PGM2: variants seen among roughly 807,000 people sequenced by gnomAD.
PGM2 encodes phosphoglucomutase 2.
Under a neutral mutation model 74.6 loss-of-function variants are expected in PGM2, and 57 were observed. The observed-to-expected ratio is 0.76, with a 90% confidence interval of 0.62 to 0.95. The LOEUF is 0.95. Among genes scored for constraint, PGM2 ranks in the 40% least tolerant of loss-of-function variants. The pLI is 0.00. For synonymous variants in PGM2, 273 were observed against 260.7 expected (o/e 1.05, Z -0.46); for missense variants, 706 against 741.9 (o/e 0.95, Z 0.56).
intron 12 of PGM2, among the ~76,000 whole-genome samples, chr4:37,853,355 ATTCCTTT>A (rs1726104664): frequency 2.4e-5 from 2 of 82,450 alleles, no homozygotes; most frequent in Admixed American, 1.4e-4. Flanking sequence ...CCAGGGTGAT[ATTCCTTT>A]TTTTTTTTTT....
At position 37,862,759 on chromosome 4, in the gene PGM2, A is replaced by G. The variant is rs1711823653; in HGVS notation, c.*1147A>G. The G allele has an allele frequency of 6.6e-6, 1 of 152,154 alleles. No individual in the cohort carries two copies. The highest frequency in any genetic ancestry group is 2.4e-5 in the African/African-American group (1 of 41,460). 9.4% of individuals were successfully genotyped at this position (152,154 alleles called of 1,614,324 possible). On this transcript the variant is annotated 3_prime_UTR_variant, in exon 14 of 14. Coordinates refer to ENST00000381967, the MANE Select transcript of PGM2 (RefSeq NM_018290.4). ...ATGAAAAATTACAATACTATGTGAT[A>G]GTATTGTAACTATTTTTCTATTTTA...
intron 6 of PGM2, among the ~76,000 whole-genome samples, chr4:37,841,393 C>T (rs1025578738): frequency 1.3e-5 from 2 of 151,932 alleles, no homozygotes; most frequent in Admixed American, 1.3e-4. Flanking sequence ...GGTCCCACCC[C>T]TCCTGATTGT....
At chr4:37,830,498 C>T (rs1028805684) in intron 2 of PGM2, among the ~76,000 whole-genome samples, 2 of 152,214 alleles carry the variant, frequency 1.3e-5, no homozygotes, top group Non-Finnish European at 2.9e-5. Flanking sequence ...GCCATGATTA[C>T]ATAGCAAGTG....
At chr4:37,834,189 T>G (rs949003795) in intron 2 of PGM2, among the ~76,000 whole-genome samples, 1 of 151,850 alleles carries the variant, frequency 6.6e-6, no homozygotes, top group Non-Finnish European at 1.5e-5. Context: ...TAAAAATTAG[T>G]TGGGCCTGGT....
chr4:37,842,174 T>C (rs1725747562), intron 6 of PGM2, among the ~76,000 whole-genome samples: 1 of 148,348 alleles, frequency 6.7e-6, no homozygotes, highest in Non-Finnish European at 1.5e-5. Flanking sequence ...CATATATACA[T>C]ATTATATATA....
At position 37,845,715 on chromosome 4, in the gene PGM2, C is replaced by T. The variant is rs1396533146; in HGVS notation, c.992C>T (p.Ala331Val). 1.2e-6 allele frequency: 2 copies of T among 1,608,572 alleles called. No individual in the cohort carries two copies. Among genetic ancestry groups the T allele is most frequent in the South Asian group, 2.2e-5 (2 of 90,956 alleles). ...CCGGATGCTGATAGACTTGCTGTGG[C>T]AGAAAAGCAAGACAGGTAAAATTAA... ...NDPDADRLAV[A>V]EKQDSGEWRV... The change falls in exon 8 of 14, where the codon GCA becomes GTA. Residue 331 changes from alanine (A) to valine (V), a missense_variant. Around this residue, in one of 3 missense-constraint regions of PGM2, gnomAD observed 359 missense variants for 371.1 expected, o/e 0.97. Coordinates refer to ENST00000381967, the MANE Select transcript of PGM2 (RefSeq NM_018290.4).
Position 37,839,859 on chromosome 4 carries a change from A to G in PGM2, c.453A>G (p.Val151=). 2 of 1,583,988 alleles carry G rather than the reference A, an allele frequency of 1.3e-6. No individual in the cohort carries two copies. Among genetic ancestry groups the G allele is most frequent in the African/African-American group, 2.7e-5 (2 of 74,450 alleles). Residue 151 remains valine (V), a synonymous_variant, in exon 5 of 14, where the codon GTA becomes GTG. Coordinates refer to ENST00000381967, the MANE Select transcript of PGM2 (RefSeq NM_018290.4). ...ITPTPFVPFT[V]SHLKLCAGIM... ...CTGCTATGTTACAGCCCTTCACAGT[A>G]TCACATTTGAAACTTTGTGCTGGAA...
chr4:37,826,948 G>C (rs191484712), intron 1 of PGM2, 135 bp downstream of exon 1: 1 of 596,890 alleles, frequency 1.7e-6, no homozygotes, highest in African/African-American at 2.0e-5. Context: ...GAAGACCCAG[G>C]AGCGTACGGC....
At chr4:37,831,839 G>A (rs10026897) in intron 2 of PGM2, among the ~76,000 whole-genome samples, 12,213 of 152,206 alleles carry the variant, frequency 0.08, 928 homozygotes, top group African/African-American at 0.18. Flanking sequence ...AAGGAGCATT[G>A]ATGTCACATT....
chr4:37,839,584 T>A (rs768068368), intron 4 of PGM2: 4 of 592,644 alleles, frequency 6.7e-6, no homozygotes, highest in South Asian at 6.1e-5. Context: ...TTTCTAGCTC[T>A]ACCAAGTAGA....
chr4:37,849,729 CT>C (rs1246828907), intron 11 of PGM2, among the ~76,000 whole-genome samples: 2 of 151,310 alleles, frequency 1.3e-5, no homozygotes, highest in East Asian at 4.0e-4. Flanking sequence ...TTTTAATGGT[CT>C]TTTAAAAATT....
At position 37,837,538 on chromosome 4, in the gene PGM2, A is replaced by T. The variant is rs764911422; in HGVS notation, c.366A>T (p.Arg122=). The change falls in exon 4 of 14, where the codon CGA becomes CGT. Residue 122 remains arginine, a synonymous_variant. Coordinates refer to ENST00000381967, the MANE Select transcript of PGM2 (RefSeq NM_018290.4). ...SSGGSSRRFA[R]LAATTFISQG... Reference sequence around the variant, plus strand: ...CACTCTGCATTCTCAGGTTTGCCCGACTTGCTGCAACCACATTTATCAGTC... The same window carrying T: ...CACTCTGCATTCTCAGGTTTGCCCGTCTTGCTGCAACCACATTTATCAGTC... 9 of 1,611,144 alleles carry T rather than the reference A, an allele frequency of 5.6e-6. No individual in the cohort carries two copies. Among genetic ancestry groups the T allele is most frequent in the Non-Finnish European group, 7.6e-6 (9 of 1,177,320 alleles).
rs761294702 is a variant in PGM2 at position 37,850,338 on chromosome 4, A to G, written c.1567A>G (p.Thr523Ala). 12 of 1,575,152 alleles carry G rather than the reference A, an allele frequency of 7.6e-6. No individual in the cohort carries two copies. The highest frequency in any genetic ancestry group is 2.3e-5 in the East Asian group (1 of 43,748). ...AATTTCTGCCATTAGGGACCTTACA[A>G]CTGGCTATGATGATAGCCAACCTGA... is the stretch of plus-strand genomic sequence containing the variant. The part of the protein sequence containing the change: ...FEISAIRDLT[T>A]GYDDSQPDKK... Residue 523 changes from threonine (T) to alanine (A), a missense_variant, in exon 12 of 14, where the codon ACT becomes GCT. Physicochemically the swap from Thr to Ala is moderately conservative, Grantham distance 58. This residue lies in a region of PGM2 where 359 missense variants were observed against 371.1 expected (regional missense o/e 0.97). Coordinates refer to ENST00000381967, the MANE Select transcript of PGM2 (RefSeq NM_018290.4).
chr4:37,851,816 G>A (rs1726047423), intron 12 of PGM2, among the ~76,000 whole-genome samples: 3 of 152,138 alleles, frequency 2.0e-5, no homozygotes, highest in Admixed American at 6.6e-5. Context: ...CTCACAGTAC[G>A]TTTATGCCAC....
Position 37,847,193 on chromosome 4 carries a change from TC to T in PGM2, c.1189-6del. On this transcript the variant is annotated splice_polypyrimidine_tract_variant and splice_region_variant and intron_variant, in intron 9 of 13. Coordinates refer to ENST00000381967, the MANE Select transcript of PGM2 (RefSeq NM_018290.4). Reference sequence around the variant, plus strand: ...AGGCATGTCTTTCTCTTTTGGATTATCCCTTTAGGAAACATTAACTGGCTTT... The same window carrying T: ...AGGCATGTCTTTCTCTTTTGGATTATCCTTTAGGAAACATTAACTGGCTTT... The T allele has an allele frequency of 6.2e-7, 1 of 1,611,142 alleles. No individual in the cohort carries two copies. The highest frequency in any genetic ancestry group is 8.5e-7 in the Non-Finnish European group (1 of 1,177,364).
At position 37,847,047 on chromosome 4, in the gene PGM2, TGTC is replaced by T; in HGVS notation, c.1125_1127del (p.Leu375_Ser376delinsPhe). ...AGTGCTCTCAAAGACACGTACATGT[TGTC>T]CAGCACCGTCTCCTCCAAAATCTTG... On this transcript the variant is annotated inframe_deletion, in exon 9 of 14. Coordinates refer to ENST00000381967, the MANE Select transcript of PGM2 (RefSeq NM_018290.4). 6.2e-7 allele frequency: 1 copy of T among 1,613,938 alleles called. No homozygotes were observed. The highest frequency in any genetic ancestry group is 8.5e-7 in the Non-Finnish European group (1 of 1,179,774).
At chr4:37,848,500 T>G (rs1316093137) in intron 10 of PGM2, 22 bp from the exon 11 acceptor site, 10 of 1,606,130 alleles carry the variant, frequency 6.2e-6, no homozygotes, top group South Asian at 1.1e-5. Flanking sequence ...TATAGATGTA[T>G]GTATGACGTG....
chr4:37,850,484 G>T, intron 12 of PGM2, 111 bp downstream of exon 12: 1 of 636,686 alleles, frequency 1.6e-6, no homozygotes, highest in Non-Finnish European at 2.5e-6. Flanking sequence ...AGGCACTTAG[G>T]CGTGATTATA....
At chr4:37,834,532 A>G (rs1487178508) in intron 2 of PGM2, 86 bp from the exon 3 acceptor site, 1 of 670,394 alleles carries the variant, frequency 1.5e-6, no homozygotes, top group Admixed American at 2.6e-5. Context: ...GAAATTTGAG[A>G]AAACTTAATT....
Sources: allele counts gnomAD v4.1 joint callset (sites outside exome capture counted in the v4.1 genomes callset), GRCh38; gene constraint gnomAD v4.1.1; regional missense constraint gnomAD v4.1.1; transcripts MANE v1.5; gene names NCBI Gene and HGNC (gene_info 2026-07-23, HGNC 2026-07-21).